Variants in C1orf210 observed in about 807,000 individuals in gnomAD.
C1orf210 encodes the protein chromosome 1 open reading frame 210.
In C1orf210, 3 loss-of-function variants were observed where a neutral mutation model predicts 3.7. The ratio of observed to expected loss-of-function variants is 0.81; its 90% CI spans 0.37 to 2.08. The LOEUF is 2.08. Ranked by LOEUF, C1orf210 falls within the 30% of genes most tolerant of loss-of-function variation. The pLI is 0.06. For missense variants in C1orf210, 143 were observed against 147.7 expected, an observed-to-expected ratio of 0.97 and a Z score of 0.17; for synonymous variants, 62 against 61.7, an observed-to-expected ratio of 1.00 and a Z score of -0.02.
Position 43,283,266 on chromosome 1 carries a change from T to C in C1orf210, c.5A>G (p.Asn2Ser), listed in dbSNP as rs111305387. 2,658 of 1,614,050 alleles carry C rather than the reference T, an allele frequency of 1.6e-3. 34 individuals are homozygous for C. The African/African-American group carries it at 0.027, about 16-fold the overall frequency. Residue 2 changes from asparagine (N) to serine (S), a missense_variant, in exon 2 of 3, where the codon AAT becomes AGT. Coordinates refer to ENST00000523677, the MANE Select transcript of C1orf210 (RefSeq NM_182517.3). M[N>S]ETNKTLVGPS... ...CTGTCACTCACTTTTGTTTGTCTCA[T>C]TCATGGAGGGGCCTGATGACACCAG... is the stretch of plus-strand genomic sequence containing the variant.
At chr1:43,283,415 A>G (rs1646560087) in intron 1 of C1orf210, 47 bp from the exon 2 acceptor site, 1 of 1,119,270 alleles carries the variant, frequency 8.9e-7, no homozygotes, top group Non-Finnish European at 1.3e-6. Flanking sequence ...CACAGGGTGC[A>G]CTTTCCAGGT....
Position 43,283,368 on chromosome 1 carries a change from C to T in C1orf210, c.-98G>A, listed in dbSNP as rs1353257717. 1 of 1,515,574 alleles carries T rather than the reference C, an allele frequency of 6.6e-7. No homozygotes were observed. The highest frequency in any genetic ancestry group is 9.0e-7 in the Non-Finnish European group (1 of 1,114,982). 93.9% of individuals were successfully genotyped at this position (1,515,574 alleles called of 1,614,324 possible). A position where few individuals can be genotyped will look rare whatever the true frequency, so the allele number is the denominator to read the frequency against. ...TGCCAGGCAGCCCCAGGGCACAAGT[C>T]CTAGAAAATAACATAGGTATGGGTG... is the stretch of plus-strand genomic sequence containing the variant. On this transcript the variant is annotated splice_region_variant and 5_prime_UTR_variant, in exon 2 of 3. Coordinates refer to ENST00000523677, the MANE Select transcript of C1orf210 (RefSeq NM_182517.3).
At position 43,283,061 on chromosome 1, in the gene C1orf210, A is replaced by G; in HGVS notation, c.66T>C (p.Pro22=). The G allele has an allele frequency of 6.2e-7, 1 of 1,614,058 alleles. No individual in the cohort carries two copies. Among genetic ancestry groups the G allele is most frequent in the Non-Finnish European group, 8.5e-7 (1 of 1,179,944 alleles). The stretch of plus-strand genomic sequence containing the variant: ...ATGCCCGAGCCCCAGTGCCTGGGCC[A>G]GGGGCCACAGCAGACGCTGTGGGGA... ...SELPTASAVA[P]GPGTGARAWP... is the part of the protein sequence containing the mutation. Residue 22 remains proline, a synonymous_variant, in exon 3 of 3, where the codon CCT becomes CCC. Coordinates refer to ENST00000523677, the MANE Select transcript of C1orf210 (RefSeq NM_182517.3).
intron 1 of C1orf210, among the ~76,000 whole-genome samples, chr1:43,284,224 C>A (rs1472501853): frequency 1.3e-5 from 2 of 152,074 alleles, no homozygotes; most frequent in Non-Finnish European, 2.9e-5. Flanking sequence ...AGGAGGCGCA[C>A]CTGAATCTGG....
intron 1 of C1orf210, among the ~76,000 whole-genome samples, chr1:43,284,100 C>T (rs1012666967): frequency 1.3e-5 from 2 of 152,178 alleles, no homozygotes; most frequent in African/African-American, 4.8e-5. Context: ...AATTATCACC[C>T]AGGGCTGGGG....
chr1:43,282,228 C>T lies in C1orf210; in HGVS notation c.*557G>A. 1 of 151,168 alleles carries T rather than the reference C, an allele frequency of 6.6e-6. No homozygotes were observed. Among genetic ancestry groups the T allele is most frequent in the Non-Finnish European group, 1.5e-5 (1 of 68,288 alleles). The allele number at this position is 151,168 out of a possible 1,614,324, so 9.4% of individuals were successfully genotyped here. On this transcript the variant is annotated 3_prime_UTR_variant, in exon 3 of 3. Transcript: ENST00000523677. ...TGCAGTGAGCCAAGATGTGCCATTG[C>T]ACTCCAGCCTGGGCAACAGAGTGAG...
At chr1:43,283,466 CTG>C in intron 1 of C1orf210, 98 bp from the exon 2 acceptor site, 4 of 627,032 alleles carry the variant, frequency 6.4e-6, no homozygotes, top group South Asian at 2.7e-5. Flanking sequence ...ACTCTGGGGA[CTG>C]GACAACTGAC....
At chr1:43,283,207 T>C in intron 2 of C1orf210, 45 bp downstream of exon 2, 1 of 1,603,864 alleles carries the variant, frequency 6.2e-7, no homozygotes, top group Non-Finnish European at 8.5e-7. Flanking sequence ...CCCCAGCATC[T>C]AAGGGGAAGC....
chr1:43,282,983 A>C lies in C1orf210; in HGVS notation c.144T>G (p.Ile48Met), dbSNP rs1158983938. The C allele has an allele frequency of 6.2e-7, 1 of 1,613,986 alleles. No individual in the cohort carries two copies. The highest frequency in any genetic ancestry group is 1.3e-5 in the African/African-American group (1 of 74,884). Residue 48 changes from isoleucine (I) to methionine (M), a missense_variant, in exon 3 of 3, where the codon ATT (isoleucine) becomes ATG (methionine). Physicochemically the swap from Ile to Met is conservative, Grantham distance 10. Coordinates refer to ENST00000523677, the MANE Select transcript of C1orf210 (RefSeq NM_182517.3). ...AGAGGTGGCATTTGGCAGCAAGTGC[A>C]ATGAGGAGCGAGAGGACCACAGCCC... is the stretch of plus-strand genomic sequence containing the variant. ...VLGAVVLSLL[I>M]ALAAKCHLCR...
At chr1:43,284,204 G>A (rs990359768) in intron 1 of C1orf210, among the ~76,000 whole-genome samples, 2 of 152,138 alleles carry the variant, frequency 1.3e-5, no homozygotes, top group African/African-American at 4.8e-5. Context: ...TGGATCAAAG[G>A]AGTGTCTGGA....
intron 1 of C1orf210, among the ~76,000 whole-genome samples, chr1:43,283,733 G>C (rs200698350): frequency 5.3e-5 from 8 of 152,292 alleles, no homozygotes; most frequent in South Asian, 2.1e-4. Context: ...AAAGTCTTCA[G>C]ATTCGAACCC....
rs1286340988 is a variant in C1orf210 at position 43,282,495 on chromosome 1, GA to G, written c.*289del. On this transcript the variant is annotated 3_prime_UTR_variant, in exon 3 of 3. Coordinates refer to ENST00000523677, the MANE Select transcript of C1orf210 (RefSeq NM_182517.3). ...TCGACAGTAAAGTAGGGGAAGGCAA[GA>G]AAAGAAACCAAGAGGCCGAGAGGCA... 1 of 368,786 alleles carries G rather than the reference GA, an allele frequency of 2.7e-6. No individual in the cohort carries two copies. Among genetic ancestry groups the G allele is most frequent in the South Asian group, 6.4e-5 (1 of 15,518 alleles). 22.8% of individuals were successfully genotyped at this position (368,786 alleles called of 1,614,324 possible). A position where few individuals can be genotyped will look rare whatever the true frequency, so the allele number is the denominator to read the frequency against.
intron 1 of C1orf210, among the ~76,000 whole-genome samples, chr1:43,283,929 C>A (rs1646563088): frequency 6.6e-6 from 1 of 152,306 alleles, no homozygotes; most frequent in African/African-American, 2.4e-5. Context: ...GCCAGAGCAG[C>A]CCTGGCCCTT....
In C1orf210 at chr1:43,282,794, G is replaced by C; in HGVS notation, c.333C>G (p.Phe111Leu). Residue 111 changes from phenylalanine (F) to leucine (L), a missense_variant, in exon 3 of 3, where the codon TTC becomes TTG. By Grantham distance (22) the Phe-to-Leu change is conservative. Coordinates refer to ENST00000523677, the MANE Select transcript of C1orf210 (RefSeq NM_182517.3). ...ELGTEGSRDH[F>L]SL ...GTCTAAAGATGGGAGCTCAGAGGGA[G>C]AAGTGGTCCCTGCTACCCTCTGTCC... The C allele has an allele frequency of 6.3e-7, 1 of 1,592,778 alleles. No individual in the cohort carries two copies.
intron 1 of C1orf210, among the ~76,000 whole-genome samples, chr1:43,284,836 C>A (rs1039713773): frequency 3.3e-5 from 5 of 152,290 alleles, no homozygotes; most frequent in Admixed American, 3.3e-4. Flanking sequence ...GTTTTTGGGG[C>A]GCCAGTCTGT....
chr1:43,282,019 C>T lies in C1orf210; in HGVS notation c.*766G>A, dbSNP rs1405869869. 1.3e-5 allele frequency: 2 copies of T among 152,170 alleles called. No homozygotes were observed. Among genetic ancestry groups the T allele is most frequent in the Non-Finnish European group, 2.9e-5 (2 of 68,050 alleles). The allele number at this position is 152,170 out of a possible 1,614,324, so 9.4% of individuals were successfully genotyped here. ...GTGGCTCACGCCTGTAATCCCAGCA[C>T]TTTGGGAGGCCGAGGAAGGCGGACT... On this transcript the variant is annotated 3_prime_UTR_variant, in exon 3 of 3. Coordinates refer to ENST00000523677, the MANE Select transcript of C1orf210 (RefSeq NM_182517.3).
Position 43,282,986 on chromosome 1 carries a change from G to A in C1orf210, c.141C>T (p.Leu47=). 1 of 1,614,136 alleles carries A rather than the reference G, an allele frequency of 6.2e-7. No homozygotes were observed. Among genetic ancestry groups the A allele is most frequent in the Non-Finnish European group, 8.5e-7 (1 of 1,179,976 alleles). ...GGTGGCATTTGGCAGCAAGTGCAATGAGGAGCGAGAGGACCACAGCCCCCA... is the reference window on the plus strand; with the variant it reads ...GGTGGCATTTGGCAGCAAGTGCAATAAGGAGCGAGAGGACCACAGCCCCCA... ...FVLGAVVLSL[L]IALAAKCHLC... Residue 47 remains leucine (L), a synonymous_variant, in exon 3 of 3, where the codon CTC becomes CTT. Transcript: ENST00000523677.
rs369151187 is a variant in C1orf210 at position 43,282,016 on chromosome 1, G to T, written c.*769C>A. 1.3e-5 allele frequency: 2 copies of T among 152,208 alleles called. No homozygotes were observed. The highest frequency in any genetic ancestry group is 2.4e-5 in the African/African-American group (1 of 41,450). 9.4% of individuals were successfully genotyped at this position (152,208 alleles called of 1,614,324 possible). ...ATGGTGGCTCACGCCTGTAATCCCA[G>T]CACTTTGGGAGGCCGAGGAAGGCGG... is the stretch of plus-strand genomic sequence containing the variant. On this transcript the variant is annotated 3_prime_UTR_variant, in exon 3 of 3. Transcript: ENST00000523677.
chr1:43,282,495 G>T lies in C1orf210; in HGVS notation c.*290C>A. 2.7e-6 allele frequency: 1 copy of T among 368,786 alleles called. No homozygotes were observed. Among genetic ancestry groups the T allele is most frequent in the Non-Finnish European group, 4.9e-6 (1 of 205,102 alleles). The allele number at this position is 368,786 out of a possible 1,614,324, so 22.8% of individuals were successfully genotyped here. ...TCGACAGTAAAGTAGGGGAAGGCAA[G>T]AAAAGAAACCAAGAGGCCGAGAGGC... On this transcript the variant is annotated 3_prime_UTR_variant, in exon 3 of 3. Coordinates refer to ENST00000523677, the MANE Select transcript of C1orf210 (RefSeq NM_182517.3).
Sources: gnomAD v4.1 joint callset for allele counts (sites outside exome capture counted in the v4.1 genomes callset) on GRCh38, gnomAD v4.1.1 for gene constraint, MANE v1.5 for transcripts, NCBI Gene and HGNC (gene_info 2026-07-23, HGNC 2026-07-21) for gene names.